The following G6PD variants were observed in gnomAD, a reference collection of about 807,000 sequenced individuals.
The protein encoded by G6PD is glucose-6-phosphate dehydrogenase.
G6PD carries 2 observed loss-of-function variants against 38.2 expected under a neutral mutation model. The ratio of observed to expected loss-of-function variants is 0.05; its 90% CI spans 0.02 to 0.16. The LOEUF is 0.16. Ranked by LOEUF, G6PD falls within the 10% of genes least tolerant of loss-of-function variation. The pLI is 1.00. For synonymous variants in G6PD, 188 were observed against 196.0 expected (o/e 0.96, Z 0.34); for missense variants, 310 against 471.6 (o/e 0.66, Z 3.17).
intron 6 of G6PD, 84 bp from the exon 7 acceptor site, chrX:154,534,244 T>C (rs782408587): frequency 8.3e-7 from 1 of 1,203,384 alleles, no homozygotes; most frequent in African/African-American, 1.8e-5. Flanking sequence ...CTTGTCTGAG[T>C]TCTGGAGGAA....
At position 154,533,502 on chromosome X, in the gene G6PD, A is replaced by G; in HGVS notation, c.864+74T>C. 4.3e-6 allele frequency: 5 copies of G among 1,153,283 alleles called. No individual in the cohort carries two copies. In the South Asian group the frequency reaches 9.4e-5, roughly 22 times the overall value. ...TTGAGGACACCTGCTCTGCATGCAC[A>G]CCCCAGCTCAGTGCCTCGTCACAGA... On this transcript the variant is annotated intron_variant, in intron 8 of 12. Transcript: ENST00000393562.
chrX:154,546,727 C>T, intron 1 of G6PD, 62 bp downstream of exon 1: 4 of 959,938 alleles, frequency 4.2e-6, no homozygotes, highest in Non-Finnish European at 4.3e-6. Flanking sequence ...ATTTTACCGC[C>T]GCGCGGCGCA....
chrX:154,542,565 G>C, intron 2 of G6PD: 2 of 960,948 alleles, frequency 2.1e-6, no homozygotes, highest in Non-Finnish European at 2.8e-6. Flanking sequence ...AGCTGGGTGT[G>C]TGGGCAAGTG....
Position 154,532,474 on chromosome X carries a change from A to T in G6PD, c.1288-12T>A, listed in dbSNP as rs2148328659. 1 of 1,210,638 alleles carries T rather than the reference A, an allele frequency of 8.3e-7. No individual in the cohort carries two copies. Among genetic ancestry groups the T allele is most frequent in the East Asian group, 3.0e-5 (1 of 33,831 alleles). ...GGGAGCTTCACGTTCTGTGAGGGAG[A>T]GAGTGTCTTGCTGATGCCACTGCCT... is the stretch of plus-strand genomic sequence containing the variant. On this transcript the variant is annotated splice_polypyrimidine_tract_variant and intron_variant, in intron 10 of 12. Transcript: ENST00000393562.
intron 5 of G6PD, 91 bp from the exon 6 acceptor site, chrX:154,534,587 A>G: frequency 9.2e-7 from 1 of 1,091,055 alleles, no homozygotes; most frequent in East Asian, 3.1e-5. Context: ...CTCCCAGGGG[A>G]GTAGAGGCCA....
chrX:154,538,358 C>T (rs2070434908), intron 2 of G6PD, among the ~76,000 whole-genome samples: 2 of 111,442 alleles, frequency 1.8e-5, no homozygotes, highest in Admixed American at 9.5e-5. Flanking sequence ...ATGTTAAAAA[C>T]GGTAGGTTTT....
At chrX:154,547,081 ATCCCCAAT>A (rs1359500378), upstream of G6PD, 715 of 163,648 alleles carry the variant, frequency 4.4e-3, 7 homozygotes, top group African/African-American at 0.021. Flanking sequence ...GCTGCTCTGC[ATCCCCAAT>A]TCCGGCGGGC....
intron 5 of G6PD, among the ~76,000 whole-genome samples, 172 bp from the exon 6 acceptor site, chrX:154,534,668 C>T (rs1369062615): frequency 9.0e-5 from 10 of 110,768 alleles, no homozygotes; most frequent in Non-Finnish European, 5.7e-5. Flanking sequence ...CAACACCTTC[C>T]GGGAAGCCTT....
At chrX:154,545,869 C>T in intron 2 of G6PD, 167 bp downstream of exon 2, 1 of 543,623 alleles carries the variant, frequency 1.8e-6, no homozygotes, top group Non-Finnish European at 3.0e-6. Context: ...CTTGCAAGTG[C>T]ATATGCACAC....
At chrX:154,534,605 C>T in intron 5 of G6PD, 109 bp from the exon 6 acceptor site, 1 of 981,463 alleles carries the variant, frequency 1.0e-6, no homozygotes, top group Non-Finnish European at 1.4e-6. Flanking sequence ...CCAGAACCTC[C>T]TCGCCCCCGT....
At chrX:154,537,783 G>A (rs1379467243) in intron 2 of G6PD, among the ~76,000 whole-genome samples, 2 of 111,670 alleles carry the variant, frequency 1.8e-5, no homozygotes, top group African/African-American at 3.3e-5. Flanking sequence ...GAAGAAAGGG[G>A]AACACTTCCC....
At position 154,536,324 on chromosome X, in the gene G6PD, G is replaced by A. The variant is rs181759474; in HGVS notation, c.121-146C>T. The A allele has an allele frequency of 1.7e-4, 89 of 537,279 alleles. No individual in the cohort carries two copies. In the East Asian group the frequency reaches 3.0e-3, roughly 18 times the overall value. The allele number at this position is 537,279 out of a possible 1,213,427, so 44.3% of individuals were successfully genotyped here. On this transcript the variant is annotated intron_variant, in intron 2 of 12. Transcript: ENST00000393562. Reference sequence around the variant, plus strand: ...TGTCTTGCCTGATATACAGACAGAAGAGCCCCGAGATTCAAGCCTGTGCCA... The same window carrying A: ...TGTCTTGCCTGATATACAGACAGAAAAGCCCCGAGATTCAAGCCTGTGCCA...
At chrX:154,535,414 G>C (rs375125942) in intron 4 of G6PD, 29 bp from the exon 5 acceptor site, 4 of 1,147,787 alleles carry the variant, frequency 3.5e-6, no homozygotes, top group Admixed American at 4.6e-5. Context: ...CAGACACACA[G>C]ACAGATGTCA....
upstream of G6PD, chrX:154,546,963 C>A: frequency 3.0e-6 from 1 of 331,113 alleles, no homozygotes; most frequent in South Asian, 1.4e-4. Context: ...ACCCCTCGTG[C>A]GGGCGGGGCG....
chrX:154,537,346 G>A (rs1380315498), intron 2 of G6PD, among the ~76,000 whole-genome samples: 3 of 110,332 alleles, frequency 2.7e-5, no homozygotes, highest in Non-Finnish European at 3.8e-5. Flanking sequence ...AGCTGGACGC[G>A]GTGGCTCAAG....
chrX:154,538,920 CA>C (rs369932787), intron 2 of G6PD, among the ~76,000 whole-genome samples: 23 of 99,693 alleles, frequency 2.3e-4, no homozygotes, highest in African/African-American at 3.3e-4. Context: ...GACGTCGTCT[CA>C]AAAAAAAAAA....
intron 5 of G6PD, 28 bp downstream of exon 5, chrX:154,535,140 G>A (rs202220378): frequency 5.9e-5 from 70 of 1,179,592 alleles, no homozygotes; most frequent in Non-Finnish European, 7.3e-5. Context: ...CCTGGCAGGC[G>A]GGAAGGGAGG....
In G6PD at chrX:154,531,790, C is replaced by T. The variant is rs2070338080; in HGVS notation, c.*210G>A. Reference sequence around the variant, plus strand: ...CTCAGCTCCTGGGCTCAGGCAGGGTCTGGAGGGGCCAGGATGGTCTCGAGT... The same window carrying T: ...CTCAGCTCCTGGGCTCAGGCAGGGTTTGGAGGGGCCAGGATGGTCTCGAGT... On this transcript the variant is annotated 3_prime_UTR_variant, in exon 13 of 13. Transcript: ENST00000393562. 5 of 555,026 alleles carry T rather than the reference C, an allele frequency of 9.0e-6. No individual in the cohort carries two copies. In the Admixed American group the frequency reaches 1.8e-4, roughly 20 times the overall value. The allele number at this position is 555,026 out of a possible 1,213,427, so 45.7% of individuals were successfully genotyped here.
intron 2 of G6PD, among the ~76,000 whole-genome samples, chrX:154,541,661 T>A (rs1394071009): frequency 8.9e-6 from 1 of 111,874 alleles, no homozygotes; most frequent in Non-Finnish European, 1.9e-5. Context: ...TGGGAGCTTC[T>A]CATCTTCCCC....
Sources: allele counts gnomAD v4.1 joint callset (sites outside exome capture counted in the v4.1 genomes callset), GRCh38; gene constraint gnomAD v4.1.1; transcripts MANE v1.5; gene names NCBI Gene and HGNC (gene_info 2026-07-23, HGNC 2026-07-21).